Variants in ERICH1 observed in about 807,000 individuals in gnomAD.
ERICH1 encodes the protein glutamate-rich protein 1.
In ERICH1, 56 loss-of-function variants were observed where a neutral mutation model predicts 39.6. The observed-to-expected ratio is 1.41, with a 90% CI of 1.14 to 1.77. The LOEUF (loss-of-function observed/expected upper bound fraction) is 1.77. Among genes scored for constraint, ERICH1 ranks in the 40% most tolerant of loss-of-function variants. ERICH1 has a pLI of 0.00. For missense variants in ERICH1, 826 were observed against 575.4 expected (o/e 1.44, Z -4.45); for synonymous variants, 313 against 223.6 (o/e 1.40, Z -3.57).
At chr8:675,250 GAC>G in intron 3 of ERICH1, among the ~76,000 whole-genome samples, 1 of 7,394 alleles carries the variant, frequency 1.4e-4, no homozygotes, top group Non-Finnish European at 2.6e-4. Context: ...CGAGGACAGA[GAC>G]GCGGCGGCCC....
At chr8:679,837 AC>A (rs1273361403) in intron 3 of ERICH1, among the ~76,000 whole-genome samples, 102 of 150,594 alleles carry the variant, frequency 6.8e-4, no homozygotes, top group African/African-American at 2.5e-3. Context: ...CGCAGCTGCC[AC>A]CCCTGTGAAC....
intron 1 of ERICH1, among the ~76,000 whole-genome samples, chr8:723,761 CT>C (rs1817904312): frequency 6.6e-6 from 1 of 152,092 alleles, no homozygotes; most frequent in African/African-American, 2.4e-5. Flanking sequence ...AGTTAAATGC[CT>C]GCTGAAAATA....
At chr8:685,962 T>A (rs192537839) in intron 3 of ERICH1, among the ~76,000 whole-genome samples, 6 of 142,196 alleles carry the variant, frequency 4.2e-5, no homozygotes, top group Non-Finnish European at 1.5e-5. Flanking sequence ...CTGGCCAACA[T>A]GGTGAAACCC....
At chr8:724,494 G>C (rs1221722750) in intron 1 of ERICH1, among the ~76,000 whole-genome samples, 1 of 152,128 alleles carries the variant, frequency 6.6e-6, no homozygotes, top group African/African-American at 2.4e-5. Flanking sequence ...GAGCAGCCCA[G>C]GGGCTTCCGG....
At chr8:724,139 A>C (rs1427025826) in intron 1 of ERICH1, among the ~76,000 whole-genome samples, 7 of 152,208 alleles carry the variant, frequency 4.6e-5, no homozygotes, top group Non-Finnish European at 8.8e-5. Context: ...GACCGATCTG[A>C]CATGGGATCC....
Position 673,598 on chromosome 8 carries a change from C to A in ERICH1, c.754G>T (p.Asp252Tyr). ...LTRARQEEGA[D>Y]ASEEDPTPAG... ...GGTGTCGGATCTTCCTCACTGGCGT[C>A]CGCACCCTCTTCCTGCCTGGCCCGT... Residue 252 changes from aspartate to tyrosine, a missense_variant, in exon 4 of 6, where the codon GAC becomes TAC. Asp to Tyr is a radical substitution (Grantham distance 160). Transcript: ENST00000262109. The A allele has an allele frequency of 1.3e-6, 2 of 1,550,986 alleles. No individual in the cohort carries two copies. The highest frequency in any genetic ancestry group is 1.8e-6 in the Non-Finnish European group (2 of 1,128,976).
At chr8:694,651 C>A (rs941652488) in intron 2 of ERICH1, among the ~76,000 whole-genome samples, 7 of 152,226 alleles carry the variant, frequency 4.6e-5, no homozygotes, top group Admixed American at 4.6e-4. Flanking sequence ...AGGAGCACCA[C>A]GAGGGGCCTC....
At chr8:633,497 G>T (rs942601558) in intron 3 of ERICH1, among the ~76,000 whole-genome samples, 1 of 152,084 alleles carries the variant, frequency 6.6e-6, no homozygotes, top group African/African-American at 2.4e-5. Context: ...TATCTTCCTG[G>T]GAGAATCTCA....
intron 3 of ERICH1, among the ~76,000 whole-genome samples, chr8:687,083 A>G (rs1807591711): frequency 6.6e-6 from 1 of 152,232 alleles, no homozygotes; most frequent in Non-Finnish European, 1.5e-5. Context: ...TGTTTAACTC[A>G]AACGGAATCC....
In ERICH1 at chr8:673,899, G is replaced by C; in HGVS notation, c.453C>G (p.His151Gln). 2 of 1,613,484 alleles carry C rather than the reference G, an allele frequency of 1.2e-6. No individual in the cohort carries two copies. The highest frequency in any genetic ancestry group is 1.7e-6 in the Non-Finnish European group (2 of 1,180,012). The change falls in exon 4 of 6, where the codon CAC (histidine) becomes CAG (glutamine). Residue 151 changes from histidine (H) to glutamine (Q), a missense_variant. Physicochemically the swap from His to Gln is conservative, Grantham distance 24. Coordinates refer to ENST00000262109, the MANE Select transcript of ERICH1 (RefSeq NM_207332.3). ...TTTTGCTTATTGTGGTGCCATCTGT[G>C]TGCTGTCGCTGAGATTTCTCCTGTA... The part of the protein sequence containing the change: ...SLLQEKSQRQ[H>Q]TDGTTISKNK...
At chr8:674,289 G>A (rs1391366843) in intron 3 of ERICH1, among the ~76,000 whole-genome samples, 2 of 130,482 alleles carry the variant, frequency 1.5e-5, no homozygotes, top group South Asian at 5.1e-4. Context: ...GGATGTACAA[G>A]TTGTTGCTTT....
intron 5 of ERICH1, chr8:666,772 G>A (rs2280000): frequency 0.15 from 22,153 of 152,322 alleles, 2,039 homozygotes; most frequent in East Asian, 0.38. Context: ...CTATCTTTCT[G>A]GGAGCCCCTC....
chr8:664,822 T>C, intron 5 of ERICH1, 146 bp from the exon 6 acceptor site: 1 of 608,122 alleles, frequency 1.6e-6, no homozygotes, highest in South Asian at 2.2e-5. Flanking sequence ...AAACTGATGT[T>C]GAAAGTGACA....
chr8:661,536 T>A (rs577626825), downstream of ERICH1, among the ~76,000 whole-genome samples: 1 of 152,334 alleles, frequency 6.6e-6, no homozygotes, highest in African/African-American at 2.4e-5. Flanking sequence ...TCTCTGCCTG[T>A]CTTAATTGAC....
chr8:668,703 C>CT lies in ERICH1; in HGVS notation c.1152dup (p.Asp385ArgfsTer18). 1.2e-6 allele frequency: 2 copies of CT among 1,614,092 alleles called. No homozygotes were observed. Among genetic ancestry groups the CT allele is most frequent in the Non-Finnish European group, 1.7e-6 (2 of 1,180,034 alleles). On this transcript the variant is annotated frameshift_variant, in exon 5 of 6. Coordinates refer to ENST00000262109, the MANE Select transcript of ERICH1 (RefSeq NM_207332.3). LOFTEE classifies it high-confidence loss of function. ...TTCATGTGGTACAGGATGGACACGT[C>CT]TGAGGGCAGCATGCTGTGTGACGCA...
At chr8:676,730 G>T (rs1018976809) in intron 3 of ERICH1, among the ~76,000 whole-genome samples, 32 of 152,190 alleles carry the variant, frequency 2.1e-4, no homozygotes, top group Non-Finnish European at 4.0e-4. Flanking sequence ...TGCCACGGCC[G>T]GCACACGGCT....
intron 2 of ERICH1, among the ~76,000 whole-genome samples, chr8:698,847 G>A (rs733932): frequency 0.23 from 34,260 of 151,156 alleles, 4,152 homozygotes; most frequent in East Asian, 0.42. Context: ...GTGCACCTCC[G>A]TCCTCCTCAG....
chr8:702,669 C>T (rs535108334), intron 2 of ERICH1, among the ~76,000 whole-genome samples: 21 of 152,368 alleles, frequency 1.4e-4, no homozygotes, highest in South Asian at 1.2e-3. Flanking sequence ...CACCAGGTTC[C>T]GTGACAGGCG....
chr8:729,529 T>C (rs1257087642), intron 1 of ERICH1, among the ~76,000 whole-genome samples: 1 of 152,196 alleles, frequency 6.6e-6, no homozygotes, highest in African/African-American at 2.4e-5. Flanking sequence ...AATCCTCCCT[T>C]CAGTGCCTCT....
Sources: allele counts gnomAD v4.1 joint callset (sites outside exome capture counted in the v4.1 genomes callset), GRCh38; gene constraint gnomAD v4.1.1; transcripts MANE v1.5; gene names NCBI Gene and HGNC (gene_info 2026-07-23, HGNC 2026-07-21).